MTMR8: variants seen among roughly 807,000 people sequenced by gnomAD.
MTMR8 encodes myotubularin related protein 8.
In MTMR8, 65 loss-of-function variants were observed where a neutral mutation model predicts 39.3. The observed-to-expected ratio is 1.65, with a 90% confidence interval of 1.35 to 2.03. The LOEUF (loss-of-function observed/expected upper bound fraction) is 2.03, where lower values mean the gene tolerates loss of function less well. MTMR8 is among the 30% of genes most tolerant of loss of function. MTMR8 has a pLI of 0.00. For synonymous variants in MTMR8, 245 were observed against 185.2 expected, an observed-to-expected ratio of 1.32 and a Z score of -2.62; for missense variants, 777 against 538.9, an observed-to-expected ratio of 1.44 and a Z score of -4.37.
chrX:64,268,781 A>G lies in MTMR8; in HGVS notation c.1871T>C (p.Ile624Thr). The change falls in exon 14 of 14, where the codon ATC becomes ACC. Residue 624 changes from isoleucine (I) to threonine (T), a missense_variant. Ile to Thr is a moderately conservative substitution (Grantham distance 89). Transcript: ENST00000374852. ...CTCAGAGATGCCCACATCCCCAGAGATATTTATGGCCCTAAGGCTGCCCAC... is the reference window on the plus strand; with the variant it reads ...CTCAGAGATGCCCACATCCCCAGAGGTATTTATGGCCCTAAGGCTGCCCAC... ...EIVGSLRAIN[I>T]SGDVGISEAM... 1 of 1,211,590 alleles carries G rather than the reference A, an allele frequency of 8.3e-7. No homozygotes were observed. Among genetic ancestry groups the G allele is most frequent in the Non-Finnish European group, 1.1e-6 (1 of 895,546 alleles).
At chrX:64,323,029 C>T (rs1048848775) in intron 12 of MTMR8, among the ~76,000 whole-genome samples, 2 of 112,792 alleles carry the variant, frequency 1.8e-5, no homozygotes, top group Non-Finnish European at 1.9e-5. Flanking sequence ...AGGCATGTTG[C>T]TTCCAGGTGC....
chrX:64,312,976 A>T (rs1922359188), intron 12 of MTMR8, among the ~76,000 whole-genome samples: 1 of 112,223 alleles, frequency 8.9e-6, no homozygotes, highest in Admixed American at 9.4e-5. Flanking sequence ...TTTTTGTTCT[A>T]TTTATAGAGC....
chrX:64,394,384 G>T (rs1186384194), intron 1 of MTMR8, among the ~76,000 whole-genome samples: 2 of 112,114 alleles, frequency 1.8e-5, no homozygotes, highest in Non-Finnish European at 3.8e-5. Flanking sequence ...TAGCTAAGTA[G>T]TTGGTGGGGG....
At chrX:64,355,967 C>T (rs1923612498) in intron 3 of MTMR8, among the ~76,000 whole-genome samples, 1 of 110,986 alleles carries the variant, frequency 9.0e-6, no homozygotes, top group African/African-American at 3.3e-5. Flanking sequence ...AGGCTCAAAA[C>T]AATCCCCTTG....
intron 2 of MTMR8, among the ~76,000 whole-genome samples, chrX:64,359,045 G>A (rs777314048): frequency 7.2e-5 from 8 of 110,880 alleles, no homozygotes; most frequent in South Asian, 7.6e-4. Flanking sequence ...GTTCCCATAC[G>A]CTACAGATGC....
intron 12 of MTMR8, among the ~76,000 whole-genome samples, chrX:64,284,608 A>G (rs1267277149): frequency 8.9e-6 from 1 of 112,187 alleles, no homozygotes; most frequent in Non-Finnish European, 1.9e-5. Flanking sequence ...GAACCCCATC[A>G]CACTAACAGA....
chrX:64,308,390 C>T lies in MTMR8; in HGVS notation c.1481+20382G>A, dbSNP rs186484883. Reference sequence around the variant, plus strand: ...TTCACTGTGTTAGCCAGGAGGGTCTCGATCTCCTGACCTCGTGATCCACTG... The same window carrying T: ...TTCACTGTGTTAGCCAGGAGGGTCTTGATCTCCTGACCTCGTGATCCACTG... On this transcript the variant is annotated intron_variant, in intron 12 of 13. Transcript: ENST00000374852. Among the ~76,000 whole-genome samples, 44 of 96,169 alleles carry T rather than the reference C, an allele frequency of 4.6e-4. No homozygotes were observed. The East Asian group carries it at 0.013, about 28-fold the overall frequency. The allele number at this position is 96,169 out of a possible 115,157, so 83.5% of individuals were successfully genotyped here.
chrX:64,382,598 C>T (rs1312284367), intron 1 of MTMR8, among the ~76,000 whole-genome samples: 5 of 111,022 alleles, frequency 4.5e-5, no homozygotes, highest in Non-Finnish European at 9.4e-5. Flanking sequence ...CCTTTCTTTC[C>T]TTCTCCTGCC....
In MTMR8 at chrX:64,359,502, C is replaced by T. The variant is rs775668671; in HGVS notation, c.50G>A (p.Arg17His). The change falls in exon 2 of 14, where the codon CGT (arginine) becomes CAT (histidine). Residue 17 changes from arginine to histidine, a missense_variant. Transcript: ENST00000374852. ...PKVENVKLVD[R>H]YVSKKPANGI... ...ATTAGCTGGTTTCTTACTCACATAA[C>T]GATCCACCAATTTCACGTTTTCTAC... 1.0e-5 allele frequency: 12 copies of T among 1,199,646 alleles called. No individual in the cohort carries two copies. The South Asian group carries it at 1.1e-4, about 11-fold the overall frequency.
chrX:64,321,237 A>T (rs776237730), intron 12 of MTMR8, among the ~76,000 whole-genome samples: 6 of 112,110 alleles, frequency 5.4e-5, no homozygotes, highest in African/African-American at 9.7e-5. Context: ...TTATGAGGAA[A>T]CCCAGATATT....
At chrX:64,345,981 C>T (rs1923340266) in intron 6 of MTMR8, among the ~76,000 whole-genome samples, 1 of 111,707 alleles carries the variant, frequency 9.0e-6, no homozygotes, top group African/African-American at 3.3e-5. Context: ...ATGACTTTTA[C>T]TCACTGACAA....
chrX:64,367,714 C>A (rs1326540828), intron 1 of MTMR8, among the ~76,000 whole-genome samples: 1 of 111,911 alleles, frequency 8.9e-6, no homozygotes, highest in African/African-American at 3.3e-5. Context: ...CAGGGATGCC[C>A]TCTCTCACCA....
intron 12 of MTMR8, among the ~76,000 whole-genome samples, chrX:64,290,104 A>C (rs1354285566): frequency 1.8e-5 from 2 of 110,911 alleles, no homozygotes; most frequent in Non-Finnish European, 3.8e-5. Context: ...AAAACCTAAA[A>C]ATGGAACTAA....
intron 12 of MTMR8, among the ~76,000 whole-genome samples, chrX:64,287,392 A>G (rs1318921408): frequency 9.0e-6 from 1 of 111,719 alleles, no homozygotes. Flanking sequence ...ATACTGCCTA[A>G]GGTAATTTAT....
At chrX:64,270,851 G>A (rs1240858624) in intron 13 of MTMR8, 96 bp downstream of exon 13, 1 of 1,007,709 alleles carries the variant, frequency 9.9e-7, no homozygotes, top group Non-Finnish European at 1.3e-6. Flanking sequence ...AAAAAAGCCA[G>A]CCAGTCAGCT....
chrX:64,282,873 G>C (rs929085728), intron 12 of MTMR8, among the ~76,000 whole-genome samples: 2 of 111,524 alleles, frequency 1.8e-5, no homozygotes, highest in African/African-American at 6.5e-5. Context: ...AATAGGAACA[G>C]CTCCAGTCTA....
At chrX:64,347,879 T>A (rs1283937645) in intron 6 of MTMR8, among the ~76,000 whole-genome samples, 2 of 112,055 alleles carry the variant, frequency 1.8e-5, no homozygotes, top group African/African-American at 6.5e-5. Flanking sequence ...AAGCTGATAC[T>A]TAGGTTAACA....
At chrX:64,321,998 G>A (rs2147216720) in intron 12 of MTMR8, among the ~76,000 whole-genome samples, 1 of 110,971 alleles carries the variant, frequency 9.0e-6, no homozygotes, top group Admixed American at 9.6e-5. Context: ...GTATCCTTGG[G>A]ATGAATTATG....
At position 64,389,399 on chromosome X, in the gene MTMR8, A is replaced by T. The variant is rs749901169; in HGVS notation, c.24+5941T>A. 2.1e-4 allele frequency among the ~76,000 whole-genome samples: 23 copies of T among 111,852 alleles called. No homozygotes were observed. The South Asian group carries it at 8.6e-3, about 42-fold the overall frequency. The stretch of plus-strand genomic sequence containing the variant: ...AAAGCACTTAAGTATTTTACCACAA[A>T]AACCAGAAAATGATATCTAAAAAGA... On this transcript the variant is annotated intron_variant, in intron 1 of 13. Transcript: ENST00000374852.
Sources: gnomAD v4.1 joint callset for allele counts (sites outside exome capture counted in the v4.1 genomes callset) on GRCh38, gnomAD v4.1.1 for gene constraint, MANE v1.5 for transcripts, NCBI Gene and HGNC (gene_info 2026-07-23, HGNC 2026-07-21) for gene names.